The following DOCK1 variants were observed in gnomAD, a reference collection of about 807,000 sequenced individuals.
The protein encoded by DOCK1 is dedicator of cytokinesis 1.
A neutral mutation model predicts 262.7 loss-of-function variants in DOCK1; 138 were observed. That is an observed-to-expected ratio of 0.53 (90% confidence interval 0.46 to 0.61). The LOEUF (loss-of-function observed/expected upper bound fraction) is 0.61, where lower values mean the gene tolerates loss of function less well. Among genes scored for constraint, DOCK1 ranks in the 20% least tolerant of loss-of-function variants. The probability of loss-of-function intolerance (pLI) is 0.00; values close to 1 mark genes in which losing one functional copy is unlikely to be tolerated. For synonymous variants in DOCK1, 866 were observed against 867.4 expected (o/e 1.00, Z 0.03); for missense variants, 1,908 against 2,370.7 (o/e 0.80, Z 4.05).
At chr10:126,965,365 G>C (rs1407012495) in intron 1 of DOCK1, among the ~76,000 whole-genome samples, 1 of 152,152 alleles carries the variant, frequency 6.6e-6, no homozygotes, top group African/African-American at 2.4e-5. Flanking sequence ...GCTGAGATGA[G>C]ATGGAAAGAT....
chr10:127,094,399 G>A (rs2047775489), intron 23 of DOCK1, among the ~76,000 whole-genome samples: 1 of 152,120 alleles, frequency 6.6e-6, no homozygotes, highest in Non-Finnish European at 1.5e-5. Flanking sequence ...GGAGCCAGGG[G>A]CTTGAGCTCC....
chr10:127,271,282 G>A (rs956388726), intron 29 of DOCK1, among the ~76,000 whole-genome samples: 7 of 152,094 alleles, frequency 4.6e-5, no homozygotes, highest in Admixed American at 3.3e-4. Context: ...ACGAAATGCC[G>A]TTTAAAAAAT....
Position 127,270,174 on chromosome 10 carries a change from G to A in DOCK1, c.3044+12745G>A, listed in dbSNP as rs572531087. Among the ~76,000 whole-genome samples the A allele has an allele frequency of 1.1e-4, 16 of 152,260 alleles. No homozygotes were observed. The South Asian group carries it at 2.5e-3, about 24-fold the overall frequency. ...ATCAGTGTCCATCTCAGTCCTGGCCGCACCTCCACAGGCTCCCGATGTCTG... is the reference window on the plus strand; with the variant it reads ...ATCAGTGTCCATCTCAGTCCTGGCCACACCTCCACAGGCTCCCGATGTCTG... On this transcript the variant is annotated intron_variant, in intron 29 of 51. Coordinates refer to ENST00000623213, the MANE Select transcript of DOCK1 (RefSeq NM_001290223.2).
Position 127,031,671 on chromosome 10 carries a change from T to C in DOCK1, c.1646T>C (p.Ile549Thr), listed in dbSNP as rs1260433091. ...SQDSKDKSEK[I>T]FALAFVKLMR... ...ACAGCTAAGGATAAATCTGAGAAAATATTTGCACTAGCATTTGTCAAGCTG... is the reference window on the plus strand; with the variant it reads ...ACAGCTAAGGATAAATCTGAGAAAACATTTGCACTAGCATTTGTCAAGCTG... The change falls in exon 17 of 52, where the codon ATA becomes ACA. Residue 549 changes from isoleucine (I) to threonine (T), a missense_variant. Physicochemically the swap from Ile to Thr is moderately conservative, Grantham distance 89. Transcript: ENST00000623213. 3 of 1,610,806 alleles carry C rather than the reference T, an allele frequency of 1.9e-6. No individual in the cohort carries two copies. Among genetic ancestry groups the C allele is most frequent in the Non-Finnish European group, 2.5e-6 (3 of 1,179,502 alleles).
chr10:126,934,700 G>C (rs992163414), intron 1 of DOCK1, among the ~76,000 whole-genome samples: 1 of 148,328 alleles, frequency 6.7e-6, no homozygotes, highest in Non-Finnish European at 1.5e-5. Context: ...CTAACTTTGT[G>C]CATGGCTTGC....
At chr10:127,406,551 G>T (rs11017906) in intron 40 of DOCK1, among the ~76,000 whole-genome samples, 7 of 152,048 alleles carry the variant, frequency 4.6e-5, no homozygotes, top group Admixed American at 4.6e-4. Flanking sequence ...TTACCAAAAC[G>T]TGGGCAGAAT....
chr10:126,919,704 G>A (rs1384425827), intron 1 of DOCK1, among the ~76,000 whole-genome samples: 1 of 152,138 alleles, frequency 6.6e-6, no homozygotes, highest in Non-Finnish European at 1.5e-5. Flanking sequence ...CCGATCCCGC[G>A]TTGCTCTCTG....
intron 29 of DOCK1, among the ~76,000 whole-genome samples, chr10:127,328,915 C>A (rs1043657505): frequency 2.6e-5 from 4 of 151,136 alleles, no homozygotes; most frequent in African/African-American, 9.7e-5. Context: ...TGTGTTTTTT[C>A]TTTTTTATTG....
intron 27 of DOCK1, among the ~76,000 whole-genome samples, chr10:127,167,302 G>A (rs2054166512): frequency 6.6e-6 from 1 of 152,066 alleles, no homozygotes; most frequent in South Asian, 2.1e-4. Flanking sequence ...ATAAATAAAA[G>A]CCATTAGTTT....
intron 2 of DOCK1, among the ~76,000 whole-genome samples, chr10:126,977,134 G>A (rs532729380): frequency 1.3e-5 from 2 of 152,304 alleles, no homozygotes; most frequent in Middle Eastern, 6.8e-3. Flanking sequence ...ACAAATGGTG[G>A]GGTGCTTGGA....
chr10:127,233,143 G>T (rs956018918), intron 27 of DOCK1, among the ~76,000 whole-genome samples: 1 of 152,058 alleles, frequency 6.6e-6, no homozygotes, highest in Non-Finnish European at 1.5e-5. Context: ...TTTGAATTTT[G>T]TTCAAGGAGA....
At chr10:126,929,155 A>G (rs1271047247) in intron 1 of DOCK1, among the ~76,000 whole-genome samples, 1 of 152,238 alleles carries the variant, frequency 6.6e-6, no homozygotes, top group African/African-American at 2.4e-5. Flanking sequence ...CTTATGGGCT[A>G]CATTCCATTG....
chr10:126,960,745 TACACACACACACACACAGAC>T (rs2037137549), intron 1 of DOCK1, among the ~76,000 whole-genome samples: 5 of 115,488 alleles, frequency 4.3e-5, no homozygotes, highest in Non-Finnish European at 5.3e-5. Context: ...TATATATATA[TACACACACACACACACAGAC>T]ACATATATAC....
At chr10:127,014,222 A>G (rs1235313403) in intron 12 of DOCK1, among the ~76,000 whole-genome samples, 1 of 152,240 alleles carries the variant, frequency 6.6e-6, no homozygotes, top group Non-Finnish European at 1.5e-5. Context: ...GGTGTGGGAC[A>G]TTTTATGTGG....
At chr10:127,177,327 A>G (rs2055255026) in intron 27 of DOCK1, among the ~76,000 whole-genome samples, 1 of 152,192 alleles carries the variant, frequency 6.6e-6, no homozygotes, top group South Asian at 2.1e-4. Flanking sequence ...AGCTAAAAAG[A>G]TGCAGGTGGC....
chr10:127,004,403 C>T (rs1273642064), intron 10 of DOCK1, among the ~76,000 whole-genome samples: 1 of 151,946 alleles, frequency 6.6e-6, no homozygotes, highest in Non-Finnish European at 1.5e-5. Context: ...TATCTTAATG[C>T]AGTGGTTCTC....
intron 1 of DOCK1, among the ~76,000 whole-genome samples, chr10:126,933,909 C>T (rs1034854878): frequency 3.9e-5 from 6 of 152,064 alleles, no homozygotes; most frequent in East Asian, 1.9e-4. Context: ...CCGCCTCCCA[C>T]GTTCAAGTGA....
chr10:127,072,028 C>G (rs1042917810), intron 23 of DOCK1, among the ~76,000 whole-genome samples: 4 of 152,174 alleles, frequency 2.6e-5, no homozygotes, highest in African/African-American at 7.2e-5. Flanking sequence ...TCTTCTCCCA[C>G]CCCTGATCTT....
chr10:127,222,537 A>G (rs182844736), intron 27 of DOCK1, among the ~76,000 whole-genome samples: 1 of 152,176 alleles, frequency 6.6e-6, no homozygotes, highest in Non-Finnish European at 1.5e-5. Context: ...AACATCATAA[A>G]CAAGTTTCCT....
Sources: gnomAD v4.1 joint callset for allele counts (sites outside exome capture counted in the v4.1 genomes callset) on GRCh38, gnomAD v4.1.1 for gene constraint, MANE v1.5 for transcripts, NCBI Gene and HGNC (gene_info 2026-07-23, HGNC 2026-07-21) for gene names.